Variants in CSF1R observed in about 807,000 individuals in gnomAD.
CSF1R encodes macrophage colony-stimulating factor 1 receptor.
CSF1R carries 40 observed loss-of-function variants against 110.0 expected under a neutral mutation model. The observed-to-expected ratio is 0.36, with a 90% confidence interval of 0.28 to 0.47. The LOEUF is 0.47. Among genes scored for constraint, CSF1R ranks in the 20% least tolerant of loss-of-function variants. The pLI is 0.99. For synonymous variants in CSF1R, 523 were observed against 503.4 expected (o/e 1.04, Z -0.52); for missense variants, 1,052 against 1,253.0 (o/e 0.84, Z 2.42).
chr5:150,062,315 G>A (rs149161632), intron 10 of CSF1R, among the ~76,000 whole-genome samples: 1 of 146,652 alleles, frequency 6.8e-6, no homozygotes, highest in East Asian at 2.0e-4. Context: ...ATTTTTAAGT[G>A]TATGGTTCAG....
chr5:150,078,385 C>G, intron 3 of CSF1R, 137 bp from the exon 4 acceptor site: 1 of 1,106,598 alleles, frequency 9.0e-7, no homozygotes, highest in Non-Finnish European at 1.3e-6. Context: ...GGGAGGCAGC[C>G]TTGATGCTCC....
chr5:150,077,613 A>C (rs1282263942), intron 4 of CSF1R, among the ~76,000 whole-genome samples, 178 bp from the exon 5 acceptor site: 1 of 152,128 alleles, frequency 6.6e-6, no homozygotes, highest in Non-Finnish European at 1.5e-5. Context: ...GGAGTAAATG[A>C]GATATGCATG....
At chr5:150,070,339 C>G (rs201481961) in intron 7 of CSF1R, 37 bp from the exon 8 acceptor site, 1 of 1,606,134 alleles carries the variant, frequency 6.2e-7, no homozygotes, top group Non-Finnish European at 8.5e-7. Flanking sequence ...GTCACACTTT[C>G]CCCGCCACCT....
In CSF1R at chr5:150,061,790, A is replaced by G. The variant is rs764187155; in HGVS notation, c.1686T>C (p.Thr562=). The G allele has an allele frequency of 1.9e-6, 3 of 1,614,184 alleles. No homozygotes were observed. The East Asian group carries it at 6.7e-5, about 36-fold the overall frequency. The stretch of plus-strand genomic sequence containing the variant: ...AAGGCAGCTGCGTGGGGTCGATGAA[A>G]GTATAACTGTTGCCCTCATAGCTCT... ...IIESYEGNSY[T]FIDPTQLPYN... is the part of the protein sequence containing the mutation. Residue 562 remains threonine, a synonymous_variant, in exon 11 of 21, where the codon ACT becomes ACC. Coordinates refer to ENST00000675795, the MANE Select transcript of CSF1R (RefSeq NM_001288705.3).
chr5:150,098,890 CTTTTT>C (rs34306632), intron 1 of CSF1R, among the ~76,000 whole-genome samples: 1 of 128,672 alleles, frequency 7.8e-6, no homozygotes, highest in Non-Finnish European at 1.6e-5. Flanking sequence ...ATACAAACAA[CTTTTT>C]TTTTTTTTTT....
chr5:150,070,385 C>G, intron 7 of CSF1R, 71 bp downstream of exon 7: 3 of 1,576,836 alleles, frequency 1.9e-6, no homozygotes, highest in Non-Finnish European at 2.6e-6. Context: ...TGTGCCCTGC[C>G]CCAGTCAACC....
In CSF1R at chr5:150,068,235, G is replaced by C. The variant is rs55942044; in HGVS notation, c.1606C>G (p.Leu536Val). ...MALLLLLLLL[L>V]LYKYKQKPKY... ...CTCACCTGCTTATACTTGTACAATA[G>C]CAGCAGGAGCAGCAGCAGCAGCAAG... Residue 536 changes from leucine (L) to valine (V), a missense_variant, in exon 10 of 21, where the codon CTA becomes GTA. This residue lies in a region of CSF1R where 693 missense variants were observed against 735.4 expected (regional missense o/e 0.94). Coordinates refer to ENST00000675795, the MANE Select transcript of CSF1R (RefSeq NM_001288705.3). The C allele has an allele frequency of 3.2e-5, 52 of 1,611,718 alleles. No homozygotes were observed. The East Asian group carries it at 1.0e-3, about 32-fold the overall frequency.
rs73275623 is a variant in CSF1R at position 150,064,069 on chromosome 5, G to A, written c.1627-2220C>T. 7.5e-3 allele frequency among the ~76,000 whole-genome samples: 1,136 copies of A among 152,242 alleles called. 17 individuals are homozygous for A. The highest frequency in any genetic ancestry group is 0.026 in the African/African-American group (1,080 of 41,524). ...CACCGAAACAGAAAACCTACATACC[G>A]CATGTTCTCACTTATAAGTGGGAGC... is the stretch of plus-strand genomic sequence containing the variant. On this transcript the variant is annotated intron_variant, in intron 10 of 20. Coordinates refer to ENST00000675795, the MANE Select transcript of CSF1R (RefSeq NM_001288705.3).
At chr5:150,078,008 G>A (rs1758349497) in intron 4 of CSF1R, 104 bp downstream of exon 4, 4 of 1,482,888 alleles carry the variant, frequency 2.7e-6, no homozygotes, top group Non-Finnish European at 3.7e-6. Flanking sequence ...TGTGCCTTCA[G>A]CTAAGACAGC....
intron 10 of CSF1R, among the ~76,000 whole-genome samples, chr5:150,063,711 G>T (rs1757634990): frequency 6.6e-6 from 1 of 152,096 alleles, no homozygotes. Context: ...TGCTGAGGGG[G>T]AGTACCATGC....
intron 1 of CSF1R, among the ~76,000 whole-genome samples, chr5:150,092,875 T>C (rs1030370337): frequency 6.6e-6 from 1 of 152,098 alleles, no homozygotes; most frequent in Non-Finnish European, 1.5e-5. Context: ...TAACTAATAA[T>C]ACAATAAGAC....
At chr5:150,084,381 A>C (rs1487764209) in intron 1 of CSF1R, among the ~76,000 whole-genome samples, 1 of 49,774 alleles carries the variant, frequency 2.0e-5, no homozygotes, top group East Asian at 4.0e-4. Flanking sequence ...GAAAGAAAGA[A>C]AGAAAGAAAG....
intron 1 of CSF1R, among the ~76,000 whole-genome samples, chr5:150,101,759 A>T (rs1465693): frequency 0.58 from 87,083 of 149,658 alleles, 25,408 homozygotes; most frequent in Middle Eastern, 0.68. Context: ...ACCCTTATTC[A>T]CCTAATCACA....
chr5:150,071,886 A>C (rs1007104887), intron 6 of CSF1R, among the ~76,000 whole-genome samples: 14 of 152,232 alleles, frequency 9.2e-5, no homozygotes, highest in Non-Finnish European at 1.8e-4. Context: ...ACAAGAAAAC[A>C]TCCTTGTTGC....
intron 12 of CSF1R, 119 bp downstream of exon 12, chr5:150,061,370 GCT>G: frequency 1.2e-6 from 1 of 864,568 alleles, no homozygotes; most frequent in Non-Finnish European, 1.8e-6. Flanking sequence ...TCACCCCTGA[GCT>G]CTGTCCCCCA....
Position 150,061,956 on chromosome 5 carries a change from T to C in CSF1R, c.1627-107A>G, listed in dbSNP as rs112621317. On this transcript the variant is annotated intron_variant, in intron 10 of 20. Coordinates refer to ENST00000675795, the MANE Select transcript of CSF1R (RefSeq NM_001288705.3). Reference sequence around the variant, plus strand: ...GTGTGGGCAGTCCCAAGGCGCCCAGTGGGAGAAGGCAGGGCAAGGCCTGCT... The same window carrying C: ...GTGTGGGCAGTCCCAAGGCGCCCAGCGGGAGAAGGCAGGGCAAGGCCTGCT... The C allele has an allele frequency of 3.3e-6, 5 of 1,515,602 alleles. No individual in the cohort carries two copies. The African/African-American group carries it at 4.1e-5, about 12-fold the overall frequency. The allele number at this position is 1,515,602 out of a possible 1,614,324, so 93.9% of individuals were successfully genotyped here.
chr5:150,090,096 A>C (rs567665208), upstream of CSF1R, among the ~76,000 whole-genome samples: 8 of 152,230 alleles, frequency 5.3e-5, no homozygotes, highest in Non-Finnish European at 8.8e-5. Flanking sequence ...CATAAAGGTA[A>C]TATTCATGAC....
intron 1 of CSF1R, among the ~76,000 whole-genome samples, chr5:150,092,052 C>T (rs2078657285): frequency 6.6e-6 from 1 of 152,160 alleles, no homozygotes; most frequent in African/African-American, 2.4e-5. Flanking sequence ...AATTTTTTTC[C>T]TGTCAAGGAC....
chr5:150,073,198 G>C, intron 6 of CSF1R, 103 bp downstream of exon 6: 1 of 1,171,288 alleles, frequency 8.5e-7, no homozygotes, highest in East Asian at 2.4e-5. Flanking sequence ...ACTTGCTCAA[G>C]GTCATACACC....
Sources: allele counts gnomAD v4.1 joint callset (sites outside exome capture counted in the v4.1 genomes callset), GRCh38; gene constraint gnomAD v4.1.1; regional missense constraint gnomAD v4.1.1; transcripts MANE v1.5; gene names NCBI Gene and HGNC (gene_info 2026-07-23, HGNC 2026-07-21).